PTPRO: variants seen among roughly 807,000 people sequenced by gnomAD.
PTPRO encodes the protein protein tyrosine phosphatase receptor type O.
In PTPRO, 62 loss-of-function variants were observed where a neutral mutation model predicts 145.2. The observed-to-expected ratio is 0.43, with a 90% CI of 0.35 to 0.53. The LOEUF is 0.53. Ranked by LOEUF, PTPRO falls within the 20% of genes least tolerant of loss-of-function variation. The pLI is 0.01. For missense variants in PTPRO, 1,345 were observed against 1,482.7 expected (o/e 0.91, Z 1.53); for synonymous variants, 565 against 514.7 (o/e 1.10, Z -1.32).
chr12:15,514,471 AAAG>A (rs1942533964), intron 7 of PTPRO, among the ~76,000 whole-genome samples: 2 of 134,690 alleles, frequency 1.5e-5, no homozygotes, highest in East Asian at 2.2e-4. Context: ...AAAAAAAAAA[AAAG>A]AAAGAACAGT....
intron 24 of PTPRO, 125 bp from the exon 25 acceptor site, chr12:15,589,330 C>G: frequency 7.6e-7 from 1 of 1,317,058 alleles, no homozygotes; most frequent in African/African-American, 1.5e-5. Context: ...GAGCCGAGAT[C>G]ATGCCATTGC....
chr12:15,547,593 T>C (rs1943328318), intron 13 of PTPRO, among the ~76,000 whole-genome samples: 1 of 152,210 alleles, frequency 6.6e-6, no homozygotes, highest in African/African-American at 2.4e-5. Context: ...CTTTTGAGAT[T>C]CCCTTCTATG....
At chr12:15,479,087 T>C (rs1314424716) in intron 1 of PTPRO, among the ~76,000 whole-genome samples, 1 of 152,220 alleles carries the variant, frequency 6.6e-6, no homozygotes, top group Non-Finnish European at 1.5e-5. Context: ...CCAACCCCTC[T>C]ATTCTAGGGA....
intron 1 of PTPRO, among the ~76,000 whole-genome samples, chr12:15,478,796 C>G (rs527476815): frequency 6.6e-6 from 1 of 152,024 alleles, no homozygotes. Flanking sequence ...CTCAGCTTCC[C>G]GAGTAGCTGG....
Position 15,597,894 on chromosome 12 carries a change from T to C in PTPRO, c.*1821T>C, listed in dbSNP as rs560360966. On this transcript the variant is annotated 3_prime_UTR_variant, in exon 27 of 27. Coordinates refer to ENST00000281171, the MANE Select transcript of PTPRO (RefSeq NM_030667.3). Reference sequence around the variant, plus strand: ...GTGGCAAAGGGATGTGTGACATTCTTAGATTTTCACACATGGGCAGTCAGG... The same window carrying C: ...GTGGCAAAGGGATGTGTGACATTCTCAGATTTTCACACATGGGCAGTCAGG... Among the ~76,000 whole-genome samples the C allele has an allele frequency of 9.2e-5, 14 of 152,300 alleles. No individual in the cohort carries two copies. Among genetic ancestry groups the C allele is most frequent in the African/African-American group, 3.4e-4 (14 of 41,574 alleles).
intron 1 of PTPRO, among the ~76,000 whole-genome samples, chr12:15,344,233 G>A (rs1331874482): frequency 6.6e-6 from 1 of 152,184 alleles, no homozygotes; most frequent in African/African-American, 2.4e-5. Context: ...CTGGAAATAT[G>A]CCACACTGTG....
chr12:15,558,658 G>A (rs1040784447), intron 16 of PTPRO, among the ~76,000 whole-genome samples: 1 of 152,116 alleles, frequency 6.6e-6, no homozygotes, highest in Non-Finnish European at 1.5e-5. Flanking sequence ...ATTAATCATT[G>A]TTCAGTTATT....
rs61249816 is a variant in PTPRO, at chr12:15,544,506, CAAA to C, written c.2165-2044_2165-2042del. ...CTGGTGACAGAGCGAGACTCCATCTCAAAAAAAAAAAAAAAAAAAAAGATTAAA... is the reference window on the plus strand; with the variant it reads ...CTGGTGACAGAGCGAGACTCCATCTCAAAAAAAAAAAAAAAAAAGATTAAA... On this transcript the variant is annotated intron_variant, in intron 12 of 26. Coordinates refer to ENST00000281171, the MANE Select transcript of PTPRO (RefSeq NM_030667.3). 6.1e-3 allele frequency among the ~76,000 whole-genome samples: 449 copies of C among 73,164 alleles called. 4 individuals are homozygous for C. The highest frequency in any genetic ancestry group is 0.024 in the African/African-American group (430 of 17,916). 48.0% of individuals were successfully genotyped at this position (73,164 alleles called of 152,430 possible). A position where few individuals can be genotyped will look rare whatever the true frequency, so the allele number is the denominator to read the frequency against.
At chr12:15,525,625 C>A (rs761597402) in intron 11 of PTPRO, among the ~76,000 whole-genome samples, 1 of 152,160 alleles carries the variant, frequency 6.6e-6, no homozygotes, top group African/African-American at 2.4e-5. Flanking sequence ...GATGTGGAAG[C>A]CCAGCACTTA....
chr12:15,471,720 G>C (rs1036967454), intron 1 of PTPRO, among the ~76,000 whole-genome samples: 1 of 152,162 alleles, frequency 6.6e-6, no homozygotes, highest in Non-Finnish European at 1.5e-5. Flanking sequence ...GGTATCCCCA[G>C]TGTTCTGCTC....
chr12:15,352,175 C>A (rs1049046198), intron 1 of PTPRO, among the ~76,000 whole-genome samples: 3 of 152,196 alleles, frequency 2.0e-5, no homozygotes, highest in Admixed American at 1.3e-4. Context: ...CAGTGACAGG[C>A]AGACTGTGTT....
intron 1 of PTPRO, among the ~76,000 whole-genome samples, chr12:15,367,738 G>C (rs977931827): frequency 4.6e-5 from 7 of 152,146 alleles, no homozygotes; most frequent in Non-Finnish European, 8.8e-5. Flanking sequence ...AGGTCAAAAA[G>C]TGTGAATCAT....
chr12:15,564,718 G>C (rs1362509940), intron 17 of PTPRO, among the ~76,000 whole-genome samples: 1 of 152,132 alleles, frequency 6.6e-6, no homozygotes, highest in Non-Finnish European at 1.5e-5. Context: ...CTGAAAAGTT[G>C]GGTGCTTCTA....
At chr12:15,577,531 C>A (rs1944213078) in intron 19 of PTPRO, among the ~76,000 whole-genome samples, 1 of 152,162 alleles carries the variant, frequency 6.6e-6, no homozygotes, top group African/African-American at 2.4e-5. Flanking sequence ...CTCCGAAATT[C>A]TTCTCCTAGG....
intron 1 of PTPRO, among the ~76,000 whole-genome samples, chr12:15,446,641 T>C (rs1282805452): frequency 6.6e-6 from 1 of 151,858 alleles, no homozygotes; most frequent in Non-Finnish European, 1.5e-5. Flanking sequence ...GGAAAAATCA[T>C]TTTTAACATA....
At chr12:15,560,947 A>C (rs1223025197) in intron 17 of PTPRO, among the ~76,000 whole-genome samples, 1 of 151,948 alleles carries the variant, frequency 6.6e-6, no homozygotes, top group Admixed American at 6.6e-5. Flanking sequence ...TTAATTTCTT[A>C]TTTTCTTAAC....
rs1445632436 is a variant in PTPRO, at chr12:15,500,420, G to C, written c.661+826G>C. Reference sequence around the variant, plus strand: ...TGTTTTTCATTATTCAATGTAAGTAGAAAAACATTAATTGAGCACCTTCTA... The same window carrying C: ...TGTTTTTCATTATTCAATGTAAGTACAAAAACATTAATTGAGCACCTTCTA... On this transcript the variant is annotated intron_variant, in intron 4 of 26. Transcript: ENST00000281171. 2.0e-5 allele frequency among the ~76,000 whole-genome samples: 3 copies of C among 152,232 alleles called. No individual in the cohort carries two copies. The South Asian group carries it at 6.2e-4, about 32-fold the overall frequency.
intron 1 of PTPRO, among the ~76,000 whole-genome samples, chr12:15,436,159 C>G (rs1940589757): frequency 6.6e-6 from 1 of 151,988 alleles, no homozygotes; most frequent in Non-Finnish European, 1.5e-5. Flanking sequence ...CACTACATGC[C>G]CACAAGAGAA....
At chr12:15,492,890 C>T (rs1322488962) in intron 2 of PTPRO, among the ~76,000 whole-genome samples, 2 of 151,808 alleles carry the variant, frequency 1.3e-5, no homozygotes, top group Non-Finnish European at 2.9e-5. Context: ...ATGGTGGGCA[C>T]AATATTTGGA....
Sources: allele counts gnomAD v4.1 joint callset (sites outside exome capture counted in the v4.1 genomes callset), GRCh38; gene constraint gnomAD v4.1.1; transcripts MANE v1.5; gene names NCBI Gene and HGNC (gene_info 2026-07-23, HGNC 2026-07-21).